Variants in WFS1 observed in about 807,000 individuals in gnomAD.
WFS1 encodes wolframin ER transmembrane glycoprotein.
In WFS1, 90 loss-of-function variants were observed where a neutral mutation model predicts 68.5. The ratio of observed to expected loss-of-function variants is 1.31; its 90% CI spans 1.11 to 1.56. The LOEUF (loss-of-function observed/expected upper bound fraction) is 1.56, where lower values mean the gene tolerates loss of function less well. Among genes scored for constraint, WFS1 ranks in the 40% most tolerant of loss-of-function variants. WFS1 has a pLI of 0.00. For synonymous variants in WFS1, 860 were observed against 540.7 expected (o/e 1.59, Z -8.19); for missense variants, 1,767 against 1,232.6 (o/e 1.43, Z -6.49).
At position 6,277,502 on chromosome 4, in the gene WFS1, C is replaced by T. The variant is rs34653805; in HGVS notation, c.47C>T (p.Pro16Leu). 6.6e-5 allele frequency: 104 copies of T among 1,575,390 alleles called. No homozygotes were observed. The highest frequency in any genetic ancestry group is 1.4e-4 in the East Asian group (6 of 43,044). ...CTGGGCCCCTCCTGCCCACAGCCCCCGCCAGCACCGCAGCCCCAGGCGCGT... is the reference window on the plus strand; with the variant it reads ...CTGGGCCCCTCCTGCCCACAGCCCCTGCCAGCACCGCAGCCCCAGGCGCGT... ...APLGPSCPQP[P>L]PAPQPQARSR... Residue 16 changes from proline (P) to leucine (L), a missense_variant, in exon 2 of 8, where the codon CCG becomes CTG. Transcript: ENST00000226760.
chr4:6,281,358 C>T (rs924911946), intron 2 of WFS1, among the ~76,000 whole-genome samples: 1 of 152,148 alleles, frequency 6.6e-6, no homozygotes, highest in African/African-American at 2.4e-5. Context: ...GCTGTGGTGT[C>T]AAGAGGTCAG....
intron 7 of WFS1, among the ~76,000 whole-genome samples, chr4:6,298,238 TAGCTGTTGATTTTAGCC>T (rs1730693718): frequency 6.6e-6 from 1 of 152,250 alleles, no homozygotes; most frequent in Admixed American, 6.5e-5. Context: ...TTGACTCGTG[TAGCTGTTGATTTTAGCC>T]AGCTGGCCTG....
chr4:6,282,578 C>A (rs955239737), intron 2 of WFS1, among the ~76,000 whole-genome samples: 1 of 152,116 alleles, frequency 6.6e-6, no homozygotes, highest in Non-Finnish European at 1.5e-5. Context: ...TGACATACAT[C>A]CAAAAATTTT....
chr4:6,279,175 A>C (rs981259962), intron 2 of WFS1, among the ~76,000 whole-genome samples: 3 of 152,224 alleles, frequency 2.0e-5, no homozygotes, highest in Non-Finnish European at 4.4e-5. Context: ...GGCAGGGCCC[A>C]GGGTCCCTGC....
intron 4 of WFS1, among the ~76,000 whole-genome samples, chr4:6,290,450 G>A (rs1455283261): frequency 1.3e-5 from 2 of 152,254 alleles, no homozygotes; most frequent in Admixed American, 6.5e-5. Context: ...AGGCTGCTGG[G>A]GCAGAGCGTG....
At chr4:6,275,621 C>T (rs1260849822) in intron 1 of WFS1, among the ~76,000 whole-genome samples, 1 of 146,324 alleles carries the variant, frequency 6.8e-6, no homozygotes, top group Non-Finnish European at 1.5e-5. Context: ...GTGTGCTTGA[C>T]CATGCATGGT....
In WFS1 at chr4:6,283,249, G is replaced by A. The variant is rs930866126; in HGVS notation, c.233-3844G>A. On this transcript the variant is annotated intron_variant, in intron 2 of 7. Coordinates refer to ENST00000226760, the MANE Select transcript of WFS1 (RefSeq NM_006005.3). This position sits in a 1 kb window ranked among gnomAD's most constrained non-coding sequence, Gnocchi z 5.0. ...AGGGTGTTCTCCATAGAACCTCACAGAGGGAAGGAGACCTGCCCATGGTAT... is the reference window on the plus strand; with the variant it reads ...AGGGTGTTCTCCATAGAACCTCACAAAGGGAAGGAGACCTGCCCATGGTAT... 1.3e-5 allele frequency among the ~76,000 whole-genome samples: 2 copies of A among 152,320 alleles called. No homozygotes were observed. The highest frequency in any genetic ancestry group is 6.5e-5 in the Admixed American group (1 of 15,310).
At chr4:6,292,077 C>T (rs1278430169) in intron 6 of WFS1, 80 bp downstream of exon 6, 3 of 1,409,260 alleles carry the variant, frequency 2.1e-6, no homozygotes, top group Non-Finnish European at 2.9e-6. Context: ...TGTGCGACTC[C>T]ATCCTGGCCT....
At chr4:6,278,156 C>T (rs937871373) in intron 2 of WFS1, among the ~76,000 whole-genome samples, 3 of 152,266 alleles carry the variant, frequency 2.0e-5, no homozygotes, top group Non-Finnish European at 2.9e-5. Context: ...CATCCTGAGG[C>T]GGGATGCTGG....
In WFS1 at chr4:6,301,957, A is replaced by C. The variant is rs753696387; in HGVS notation, c.2162A>C (p.Asn721Thr). The part of the protein sequence containing the change: ...DIDNSAESAI[N>T]MLPFFIGDWM... ...GACAACAGCGCCGAGTCTGCCATCA[A>C]CATGCTCCCGTTCTTCATCGGCGAC... Residue 721 changes from asparagine to threonine, a missense_variant, in exon 8 of 8, where the codon AAC (asparagine) becomes ACC (threonine). Coordinates refer to ENST00000226760, the MANE Select transcript of WFS1 (RefSeq NM_006005.3). 3 of 1,612,726 alleles carry C rather than the reference A, an allele frequency of 1.9e-6. No individual in the cohort carries two copies. Among genetic ancestry groups the C allele is most frequent in the African/African-American group, 2.7e-5 (2 of 74,936 alleles).
intron 2 of WFS1, among the ~76,000 whole-genome samples, chr4:6,280,812 C>T (rs1485397693): frequency 2.0e-5 from 3 of 151,836 alleles, no homozygotes; most frequent in Admixed American, 1.3e-4. Flanking sequence ...CTGTCATTCA[C>T]GGGTCTACCA....
In WFS1 at chr4:6,283,423, C is replaced by T. The variant is rs1730220347; in HGVS notation, c.233-3670C>T. ...TAGAGGGGCAAGGGATTGATGAGTC[C>T]ATAGATCTGTAGAGCCTAGAGTAGT... On this transcript the variant is annotated intron_variant, in intron 2 of 7. Coordinates refer to ENST00000226760, the MANE Select transcript of WFS1 (RefSeq NM_006005.3). This position sits in a 1 kb window ranked among gnomAD's most constrained non-coding sequence, Gnocchi z 5.0. 6.6e-6 allele frequency among the ~76,000 whole-genome samples: 1 copy of T among 152,158 alleles called. No homozygotes were observed. The highest frequency in any genetic ancestry group is 2.4e-5 in the African/African-American group (1 of 41,432).
chr4:6,292,301 G>A (rs1199322114), intron 6 of WFS1, among the ~76,000 whole-genome samples: 2 of 152,134 alleles, frequency 1.3e-5, no homozygotes, highest in Non-Finnish European at 2.9e-5. Flanking sequence ...CTTGGACAAG[G>A]AAATACTGGG....
At chr4:6,290,954 G>A (rs1411410110) in intron 4 of WFS1, among the ~76,000 whole-genome samples, 8 of 152,184 alleles carry the variant, frequency 5.3e-5, no homozygotes, top group African/African-American at 9.6e-5. Context: ...CCTTCTTCCC[G>A]CCAGCATGTA....
At chr4:6,276,128 C>T (rs1032203584) in intron 1 of WFS1, among the ~76,000 whole-genome samples, 1 of 152,170 alleles carries the variant, frequency 6.6e-6, no homozygotes, top group Non-Finnish European at 1.5e-5. Context: ...TGGCCCTGAG[C>T]TTGGGAGGGT....
chr4:6,281,809 C>G (rs969325052), intron 2 of WFS1, among the ~76,000 whole-genome samples: 2 of 152,192 alleles, frequency 1.3e-5, no homozygotes, highest in Non-Finnish European at 2.9e-5. Context: ...TTATCCTGAC[C>G]TGGCCCATCT....
chr4:6,295,099 C>T lies in WFS1; in HGVS notation c.771C>T (p.Gly257=), dbSNP rs747170989. The change falls in exon 7 of 8, where the codon GGC becomes GGT. Residue 257 remains glycine (G), a synonymous_variant. Coordinates refer to ENST00000226760, the MANE Select transcript of WFS1 (RefSeq NM_006005.3). ...FVEITKKYAK[G]VIPSSLFLQD... ...AGATCACTAAGAAGTACGCCAAGGGCGTCATCCCCAGCAGCCTGTTCCTGC... is the reference window on the plus strand; with the variant it reads ...AGATCACTAAGAAGTACGCCAAGGGTGTCATCCCCAGCAGCCTGTTCCTGC... The T allele has an allele frequency of 6.8e-6, 11 of 1,613,390 alleles. No individual in the cohort carries two copies. The highest frequency in any genetic ancestry group is 4.4e-5 in the South Asian group (4 of 91,082).
chr4:6,270,638 C>T (rs1257910867), intron 1 of WFS1, among the ~76,000 whole-genome samples: 1 of 152,204 alleles, frequency 6.6e-6, no homozygotes, highest in Non-Finnish European at 1.5e-5. Context: ...TGGACCCTGC[C>T]TCGTATGAAC....
Position 6,302,844 on chromosome 4 carries a change from G to C in WFS1, c.*376G>C, listed in dbSNP as rs1290203631. The C allele has an allele frequency of 6.1e-6, 2 of 329,592 alleles. No homozygotes were observed. The highest frequency in any genetic ancestry group is 6.9e-5 in the East Asian group (1 of 14,572). 20.4% of individuals were successfully genotyped at this position (329,592 alleles called of 1,614,324 possible). A position where few individuals can be genotyped will look rare whatever the true frequency, so the allele number is the denominator to read the frequency against. On this transcript the variant is annotated 3_prime_UTR_variant, in exon 8 of 8. Coordinates refer to ENST00000226760, the MANE Select transcript of WFS1 (RefSeq NM_006005.3). Reference sequence around the variant, plus strand: ...TTCCCTCTTTCTTTCTTTTGTGTTGGATTTGTTTAAAAACCAAATAAGCAT... The same window carrying C: ...TTCCCTCTTTCTTTCTTTTGTGTTGCATTTGTTTAAAAACCAAATAAGCAT...
Sources: allele counts gnomAD v4.1 joint callset (sites outside exome capture counted in the v4.1 genomes callset), GRCh38; gene constraint gnomAD v4.1.1; non-coding constraint Gnocchi (gnomAD v3.1); transcripts MANE v1.5; gene names NCBI Gene and HGNC (gene_info 2026-07-23, HGNC 2026-07-21).